SORL1: variants seen among roughly 807,000 people sequenced by gnomAD.
SORL1 encodes the protein sortilin-related receptor.
Under a neutral mutation model 273.7 loss-of-function variants are expected in SORL1, and 127 were observed. The ratio of observed to expected loss-of-function variants is 0.46; its 90% confidence interval spans 0.40 to 0.54. SORL1 has a LOEUF of 0.54. SORL1 is among the 20% of genes least tolerant of loss of function. SORL1 has a pLI of 0.00. For synonymous variants in SORL1, 1,031 were observed against 1,067.4 expected, an observed-to-expected ratio of 0.97 and a Z score of 0.66; for missense variants, 2,494 against 2,846.1, an observed-to-expected ratio of 0.88 and a Z score of 2.81.
chr11:121,543,948 A>G (rs1043509977), intron 13 of SORL1, among the ~76,000 whole-genome samples: 2 of 152,224 alleles, frequency 1.3e-5, no homozygotes, highest in African/African-American at 4.8e-5. Context: ...TTCCTCATGC[A>G]GTTCCTGGCA....
rs991728899 is a variant in SORL1, at chr11:121,550,784, C to T, written c.2266+114C>T. Reference sequence around the variant, plus strand: ...TTAATTGAGTGGAGAAAAACAATGGCCGTCACAAGCATCACAGGGCTTCCT... The same window carrying T: ...TTAATTGAGTGGAGAAAAACAATGGTCGTCACAAGCATCACAGGGCTTCCT... On this transcript the variant is annotated intron_variant, in intron 16 of 47. Transcript: ENST00000260197. The surrounding 1 kb of genome is among the most constrained non-coding windows in gnomAD (Gnocchi z 5.3). 1.2e-4 allele frequency: 90 copies of T among 762,468 alleles called. No individual in the cohort carries two copies. The highest frequency in any genetic ancestry group is 3.4e-5 in the Non-Finnish European group (16 of 471,610). 47.2% of individuals were successfully genotyped at this position (762,468 alleles called of 1,614,324 possible).
chr11:121,541,149 T>G (rs558498928), intron 12 of SORL1, among the ~76,000 whole-genome samples: 4 of 152,310 alleles, frequency 2.6e-5, no homozygotes, highest in Admixed American at 1.3e-4. Flanking sequence ...CATTTATTAT[T>G]CTGCCTTGTA....
At chr11:121,559,825 G>A (rs1357181664) in intron 21 of SORL1, among the ~76,000 whole-genome samples, 168 bp downstream of exon 21, 3 of 152,184 alleles carry the variant, frequency 2.0e-5, no homozygotes, top group Non-Finnish European at 4.4e-5. Context: ...CTTTTCTAAT[G>A]ATACACAAAC....
At chr11:121,561,883 G>A (rs1862681691) in intron 21 of SORL1, among the ~76,000 whole-genome samples, 1 of 152,078 alleles carries the variant, frequency 6.6e-6, no homozygotes, top group Admixed American at 6.5e-5. Context: ...GAGACCTACT[G>A]CCTCCAAACA....
intron 39 of SORL1, 71 bp downstream of exon 39, chr11:121,611,229 C>A: frequency 9.6e-7 from 1 of 1,041,362 alleles, no homozygotes; most frequent in Non-Finnish European, 1.4e-6. Context: ...GGACATAGCA[C>A]AGTAAGACTG....
At position 121,595,071 on chromosome 11, in the gene SORL1, C is replaced by A; in HGVS notation, c.4370-552C>A. ...CTATCTAAACAACTCTCTGTTTTTA[C>A]TTTCTCCAAATAACAACCCTCCATT... On this transcript the variant is annotated intron_variant, in intron 31 of 47. Coordinates refer to ENST00000260197, the MANE Select transcript of SORL1 (RefSeq NM_003105.6). The surrounding 1 kb of genome is among the most constrained non-coding windows in gnomAD (Gnocchi z 5.1). Among the ~76,000 whole-genome samples, 1 of 152,212 alleles carries A rather than the reference C, an allele frequency of 6.6e-6. No individual in the cohort carries two copies. The highest frequency in any genetic ancestry group is 1.5e-5 in the Non-Finnish European group (1 of 68,030).
chr11:121,453,735 T>C (rs753651238), intron 1 of SORL1, among the ~76,000 whole-genome samples: 5 of 152,216 alleles, frequency 3.3e-5, no homozygotes, highest in Non-Finnish European at 7.3e-5. Flanking sequence ...ATCACCCTAT[T>C]GTGTCATTTT....
At position 121,576,048 on chromosome 11, in the gene SORL1, G is replaced by A. The variant is rs570609598; in HGVS notation, c.3461-1233G>A. Among the ~76,000 whole-genome samples, 4 of 152,332 alleles carry A rather than the reference G, an allele frequency of 2.6e-5. No homozygotes were observed. In the South Asian group the frequency reaches 8.3e-4, roughly 32 times the overall value. ...CTTTGCCATCAACAAGCCTCTTGGC[G>A]AGAATGACTGAGACGGCTGCCTTGG... On this transcript the variant is annotated intron_variant, in intron 24 of 47. Coordinates refer to ENST00000260197, the MANE Select transcript of SORL1 (RefSeq NM_003105.6).
rs1862485270 is a variant in SORL1, at chr11:121,550,089, G to T, written c.2180+1G>T. ...GTTCTACTTACAGGAGAACGAGAGG[G>T]TATGTATCACAGAGGTTGCCCTGTC... On this transcript the variant is annotated splice_donor_variant, in intron 15 of 47. Transcript: ENST00000260197. LOFTEE classifies it high-confidence loss of function. The surrounding 1 kb of genome is among the most constrained non-coding windows in gnomAD (Gnocchi z 5.3). The T allele has an allele frequency of 6.2e-7, 1 of 1,612,604 alleles. No individual in the cohort carries two copies. The highest frequency in any genetic ancestry group is 8.5e-7 in the Non-Finnish European group (1 of 1,179,224).
chr11:121,555,359 C>T (rs747290724), intron 18 of SORL1, 41 bp downstream of exon 18: 21 of 1,605,622 alleles, frequency 1.3e-5, no homozygotes, highest in East Asian at 2.2e-5. Flanking sequence ...AGGGAGCAGG[C>T]GGGGCACCTG....
intron 5 of SORL1, among the ~76,000 whole-genome samples, chr11:121,495,080 G>A (rs999825736): frequency 6.6e-6 from 1 of 152,078 alleles, no homozygotes; most frequent in African/African-American, 2.4e-5. Flanking sequence ...GTAAAAAGAA[G>A]CTCTTTTTTC....
At chr11:121,489,971 G>A (rs963637778) in intron 4 of SORL1, 72 bp from the exon 5 acceptor site, 34 of 1,086,098 alleles carry the variant, frequency 3.1e-5, no homozygotes, top group Admixed American at 1.7e-4. Flanking sequence ...GGATTTCAGC[G>A]GGTGTTTGAT....
At chr11:121,532,708 T>C (rs904317570) in intron 12 of SORL1, among the ~76,000 whole-genome samples, 156 bp downstream of exon 12, 1 of 151,112 alleles carries the variant, frequency 6.6e-6, no homozygotes, top group Non-Finnish European at 1.5e-5. Flanking sequence ...TTTTTTGAGA[T>C]GGAGTCTTGC....
intron 30 of SORL1, chr11:121,590,578 A>C (rs1863195097): frequency 7.0e-6 from 4 of 573,416 alleles, no homozygotes; most frequent in Non-Finnish European, 9.3e-6. Context: ...ACTCATGTGG[A>C]ATGCAGACTT....
intron 19 of SORL1, among the ~76,000 whole-genome samples, chr11:121,557,702 G>A (rs1862612360): frequency 6.6e-6 from 1 of 152,176 alleles, no homozygotes; most frequent in African/African-American, 2.4e-5. Flanking sequence ...GGCCTGCTTG[G>A]ATATTGTGAG....
At chr11:121,569,290 A>G (rs1041777526) in intron 22 of SORL1, among the ~76,000 whole-genome samples, 1 of 152,242 alleles carries the variant, frequency 6.6e-6, no homozygotes, top group African/African-American at 2.4e-5. Context: ...TTTGAACAAT[A>G]TGAAATCTGG....
intron 14 of SORL1, chr11:121,546,812 G>A (rs1287849438): frequency 2.6e-5 from 4 of 152,206 alleles, no homozygotes; most frequent in South Asian, 2.1e-4. Context: ...GGCCACTTCT[G>A]TTCTCAACCA....
At chr11:121,486,411 G>A (rs1383376305) in intron 3 of SORL1, among the ~76,000 whole-genome samples, 2 of 152,012 alleles carry the variant, frequency 1.3e-5, no homozygotes, top group Non-Finnish European at 2.9e-5. Flanking sequence ...GGCCGAGGCA[G>A]CCTGATGGCT....
At chr11:121,501,013 T>A (rs879556714) in intron 6 of SORL1, among the ~76,000 whole-genome samples, 13 of 152,148 alleles carry the variant, frequency 8.5e-5, no homozygotes, top group Non-Finnish European at 1.5e-4. Flanking sequence ...GGCTTCTAGA[T>A]GAGAAATCAG....
Sources: gnomAD v4.1 joint callset for allele counts (sites outside exome capture counted in the v4.1 genomes callset) on GRCh38, gnomAD v4.1.1 for gene constraint, Gnocchi (gnomAD v3.1) non-coding constraint, MANE v1.5 for transcripts, NCBI Gene and HGNC (gene_info 2026-07-23, HGNC 2026-07-21) for gene names.